Variants in AXL observed in about 807,000 individuals in gnomAD.
AXL encodes tyrosine-protein kinase receptor UFO.
A neutral mutation model predicts 104.5 loss-of-function variants in AXL; 52 were observed. The observed-to-expected ratio is 0.50, with a 90% CI of 0.40 to 0.63. The LOEUF (loss-of-function observed/expected upper bound fraction) is 0.63. AXL is among the 20% of genes least tolerant of loss of function. The pLI, the probability that AXL is intolerant of heterozygous loss-of-function variation, is 0.00. For synonymous variants in AXL, 455 were observed against 473.7 expected (o/e 0.96, Z 0.51); for missense variants, 1,024 against 1,188.5 (o/e 0.86, Z 2.04).
rs1453661082 is a variant in AXL at position 41,226,131 on chromosome 19, C to T, written c.586+4075C>T. On this transcript the variant is annotated intron_variant, in intron 4 of 19. Coordinates refer to ENST00000301178, the MANE Select transcript of AXL (RefSeq NM_021913.5). The stretch of plus-strand genomic sequence containing the variant: ...CGTTGGGGCCTGGGAAGGGGGATCC[C>T]GGCTCTGGCTCCGCGCCCCCGAAGC... Among the ~76,000 whole-genome samples the T allele has an allele frequency of 2.0e-5, 3 of 152,226 alleles. No homozygotes were observed. In the East Asian group the frequency reaches 5.8e-4, roughly 29 times the overall value.
In AXL at chr19:41,257,480, C is replaced by T; in HGVS notation, c.2197-13C>T. On this transcript the variant is annotated splice_polypyrimidine_tract_variant and intron_variant, in intron 18 of 19. Coordinates refer to ENST00000301178, the MANE Select transcript of AXL (RefSeq NM_021913.5). ...TGCAGGAGAGACTGTCTAATTCCCTCTGCCCCTCACAGTGGTCCTTCGGGG... is the reference window on the plus strand; with the variant it reads ...TGCAGGAGAGACTGTCTAATTCCCTTTGCCCCTCACAGTGGTCCTTCGGGG... The T allele has an allele frequency of 1.2e-6, 2 of 1,614,182 alleles. No individual in the cohort carries two copies. Among genetic ancestry groups the T allele is most frequent in the Non-Finnish European group, 8.5e-7 (1 of 1,180,014 alleles).
Position 41,219,301 on chromosome 19 carries a change from G to A in AXL, c.-92G>A. 1.6e-6 allele frequency: 2 copies of A among 1,280,030 alleles called. No individual in the cohort carries two copies. The highest frequency in any genetic ancestry group is 2.5e-5 in the East Asian group (1 of 39,284). 79.3% of individuals were successfully genotyped at this position (1,280,030 alleles called of 1,614,324 possible). ...CCAGGCAGGCAGTGCCAAATCCGGG[G>A]AGCCTGGAGCTGGGGGGAGGGCCGG... On this transcript the variant is annotated 5_prime_UTR_variant, in exon 1 of 20. Coordinates refer to ENST00000301178, the MANE Select transcript of AXL (RefSeq NM_021913.5).
intron 17 of AXL, among the ~76,000 whole-genome samples, chr19:41,255,354 T>C (rs2034436031): frequency 6.9e-6 from 1 of 145,430 alleles, no homozygotes; most frequent in African/African-American, 2.5e-5. Flanking sequence ...CTTTCTTCTT[T>C]CTTTTCTTTC....
chr19:41,230,534 G>T (rs1293372140), intron 4 of AXL, among the ~76,000 whole-genome samples: 1 of 149,352 alleles, frequency 6.7e-6, no homozygotes, highest in Non-Finnish European at 1.5e-5. Flanking sequence ...GTGTGTGTCT[G>T]TGTCTGTGTG....
At chr19:41,231,373 T>C in intron 6 of AXL, 75 bp downstream of exon 6, 1 of 1,347,920 alleles carries the variant, frequency 7.4e-7, no homozygotes, top group South Asian at 1.3e-5. Context: ...ATCCTCTCCC[T>C]GGGAACCCAC....
rs758015280 is a variant in AXL at position 41,253,553 on chromosome 19, T to C, written c.1927-46T>C. 3 of 1,368,668 alleles carry C rather than the reference T, an allele frequency of 2.2e-6. No homozygotes were observed. In the African/African-American group the frequency reaches 4.3e-5, roughly 20 times the overall value. The allele number at this position is 1,368,668 out of a possible 1,614,324, so 84.8% of individuals were successfully genotyped here. A position where few individuals can be genotyped will look rare whatever the true frequency, so the allele number is the denominator to read the frequency against. On this transcript the variant is annotated intron_variant, in intron 16 of 19. Transcript: ENST00000301178. ...AGGGATGGAGGGAGGAGGGATCGCA[T>C]CAAGGACTCTGTTGACCTCTCCTCC...
intron 2 of AXL, 108 bp downstream of exon 2, chr19:41,220,966 G>A: frequency 7.4e-7 from 1 of 1,359,048 alleles, no homozygotes; most frequent in Non-Finnish European, 1.0e-6. Context: ...GTGCGGCTTT[G>A]AGCATGTGAT....
At chr19:41,237,014 T>C (rs1422249944) in intron 6 of AXL, among the ~76,000 whole-genome samples, 1 of 152,096 alleles carries the variant, frequency 6.6e-6, no homozygotes, top group Non-Finnish European at 1.5e-5. Flanking sequence ...AAGACAATTC[T>C]TCTTCCACTG....
intron 12 of AXL, among the ~76,000 whole-genome samples, chr19:41,247,173 G>A (rs898081079): frequency 1.3e-5 from 2 of 152,216 alleles, no homozygotes; most frequent in African/African-American, 4.8e-5. Context: ...GTCATGTTCT[G>A]TTCTTGGCCT....
chr19:41,224,210 G>A (rs1382809378), intron 4 of AXL, among the ~76,000 whole-genome samples: 1 of 151,918 alleles, frequency 6.6e-6, no homozygotes, highest in African/African-American at 2.4e-5. Flanking sequence ...GTGCCTGGAG[G>A]GTAGTGGGTT....
chr19:41,244,153 C>T (rs1032682689), intron 12 of AXL, among the ~76,000 whole-genome samples: 3 of 151,462 alleles, frequency 2.0e-5, no homozygotes, highest in Non-Finnish European at 2.9e-5. Flanking sequence ...TGCAGTAAGC[C>T]GTGATCACAC....
chr19:41,260,102 A>G lies in AXL; in HGVS notation c.*198A>G. 1 of 532,176 alleles carries G rather than the reference A, an allele frequency of 1.9e-6. No homozygotes were observed. The highest frequency in any genetic ancestry group is 3.3e-6 in the Non-Finnish European group (1 of 305,656). The allele number at this position is 532,176 out of a possible 1,614,324, so 33.0% of individuals were successfully genotyped here. A position where few individuals can be genotyped will look rare whatever the true frequency, so the allele number is the denominator to read the frequency against. ...TCACCTTGAAAGCAGTAGCATCACC[A>G]TCTGTAAAAGGAAGGGGTTGGATTG... On this transcript the variant is annotated 3_prime_UTR_variant, in exon 20 of 20. Transcript: ENST00000301178.
chr19:41,235,369 AATAGATAGATAG>A (rs71175697), intron 6 of AXL, among the ~76,000 whole-genome samples: 1,085 of 80,658 alleles, frequency 0.013, 7 homozygotes, highest in African/African-American at 0.032. Flanking sequence ...TAAATAAATA[AATAGATAGATAG>A]ATAGATAGAT....
chr19:41,222,541 A>G (rs1193156085), intron 4 of AXL, among the ~76,000 whole-genome samples: 1 of 152,132 alleles, frequency 6.6e-6, no homozygotes, highest in Admixed American at 6.6e-5. Context: ...TGCTGGCCTC[A>G]GTCAAAGGGA....
At chr19:41,236,049 A>AT (rs2034073017) in intron 6 of AXL, among the ~76,000 whole-genome samples, 1 of 151,606 alleles carries the variant, frequency 6.6e-6, no homozygotes, top group Admixed American at 6.6e-5. Flanking sequence ...ATAAAAAAAA[A>AT]GCCGGGTGTG....
intron 17 of AXL, among the ~76,000 whole-genome samples, chr19:41,255,467 GT>G (rs1310130280): frequency 6.9e-6 from 1 of 144,420 alleles, no homozygotes; most frequent in African/African-American, 2.6e-5. Context: ...TTTTGACAGA[GT>G]CTTACTCTGT....
In AXL at chr19:41,248,840, G is replaced by A. The variant is rs369809280; in HGVS notation, c.1711+20G>A. On this transcript the variant is annotated intron_variant, in intron 14 of 19. Transcript: ENST00000301178. ...TGAAGAGTGAGTTACGTGCACATGT[G>A]TAGGACCCCCAGCTCCTTCCCTATG... 2 of 1,584,132 alleles carry A rather than the reference G, an allele frequency of 1.3e-6. No individual in the cohort carries two copies. The highest frequency in any genetic ancestry group is 1.7e-6 in the Non-Finnish European group (2 of 1,161,946).
Position 41,237,992 on chromosome 19 carries a change from C to T in AXL, c.832C>T (p.Pro278Ser), listed in dbSNP as rs748294158. 1.2e-5 allele frequency: 20 copies of T among 1,613,558 alleles called. No individual in the cohort carries two copies. The South Asian group carries it at 1.5e-4, about 12-fold the overall frequency. ...GGGCATCCAGGCGGGAGAACCAGAC[C>T]CCCCAGAGGAGCCCCTCACCTCGCA... is the stretch of plus-strand genomic sequence containing the variant. ...GMGIQAGEPD[P>S]PEEPLTSQAS... Residue 278 changes from proline to serine, a missense_variant, in exon 7 of 20, where the codon CCC becomes TCC. This residue lies in a region of AXL where 332 missense variants were observed against 343.9 expected (regional missense o/e 0.97). Coordinates refer to ENST00000301178, the MANE Select transcript of AXL (RefSeq NM_021913.5).
intron 6 of AXL, 149 bp downstream of exon 6, chr19:41,231,447 G>T: frequency 1.4e-6 from 1 of 725,616 alleles, no homozygotes; most frequent in Non-Finnish European, 2.2e-6. Context: ...TCCTGGGTTC[G>T]AATCCTAGCT....
Sources: allele counts gnomAD v4.1 joint callset (sites outside exome capture counted in the v4.1 genomes callset), GRCh38; gene constraint gnomAD v4.1.1; regional missense constraint gnomAD v4.1.1; transcripts MANE v1.5; gene names NCBI Gene and HGNC (gene_info 2026-07-23, HGNC 2026-07-21).